Variants in FBLN7 observed in about 807,000 individuals in gnomAD.
FBLN7 encodes the protein fibulin 7.
In FBLN7, 31 loss-of-function variants were observed where a neutral mutation model predicts 44.0. The observed-to-expected ratio is 0.70, with a 90% CI of 0.53 to 0.95. FBLN7 has a LOEUF of 0.95. Among genes scored for constraint, FBLN7 ranks in the 40% least tolerant of loss-of-function variants. The pLI is 0.00. For synonymous variants in FBLN7, 262 were observed against 253.4 expected (o/e 1.03, Z -0.32); for missense variants, 573 against 618.5 (o/e 0.93, Z 0.78).
chr2:112,145,298 TTTTC>T lies in FBLN7; in HGVS notation c.75+6576_75+6579del, dbSNP rs147014116. ...TTTAAAAAATTGATTGTTTGTTTCT[TTTTC>T]TTTCTTTTTATTTTTTTGAGATGGG... On this transcript the variant is annotated intron_variant, in intron 1 of 7. Transcript: ENST00000331203. Among the ~76,000 whole-genome samples, 206 of 152,300 alleles carry T rather than the reference TTTTC, an allele frequency of 1.4e-3. 3 individuals are homozygous for T. The highest frequency in any genetic ancestry group is 4.7e-3 in the African/African-American group (194 of 41,550).
chr2:112,181,787 C>A lies in FBLN7; in HGVS notation c.581C>A (p.Pro194Gln). The A allele has an allele frequency of 1.4e-6, 2 of 1,454,506 alleles. No homozygotes were observed. Among genetic ancestry groups the A allele is most frequent in the South Asian group, 1.3e-5 (1 of 74,914 alleles). The allele number at this position is 1,454,506 out of a possible 1,614,324, so 90.1% of individuals were successfully genotyped here. A position where few individuals can be genotyped will look rare whatever the true frequency, so the allele number is the denominator to read the frequency against. ...VAGDSAFSRAPRCAQVERAQH... is the reference protein window; with the variant it reads ...VAGDSAFSRAQRCAQVERAQH... ...GGCGACTCCGCCTTCAGCCGCGCGC[C>A]GCGCTGTGCGCAGGTGGAGCGGGCT... Residue 194 changes from proline (P) to glutamine (Q), a missense_variant, in exon 5 of 8, where the codon CCG (proline) becomes CAG (glutamine). Transcript: ENST00000331203.
the FBLN7 span, among the ~76,000 whole-genome samples, chr2:112,199,341 G>A: frequency 6.6e-6 from 1 of 152,182 alleles, no homozygotes; most frequent in African/African-American, 2.4e-5. Flanking sequence ...GTGACGGAGT[G>A]AAAAATTGCT....
At chr2:112,212,779 A>G in the FBLN7 span, 1 of 152,216 alleles carries the variant, frequency 6.6e-6, no homozygotes, top group East Asian at 1.9e-4. Flanking sequence ...AAGATTAAAA[A>G]TAGATTTAAA....
In FBLN7 at chr2:112,138,732, TCAGTGTCCCTCCCGCCTCTCTCCAGGC is replaced by T. The variant is rs1407677031; in HGVS notation, c.75+60_75+86del. On this transcript the variant is annotated splice_donor_5th_base_variant and intron_variant, in intron 1 of 7. Transcript: ENST00000331203. Reference sequence around the variant, plus strand: ...TGCCCCGAGCCGCGGGCTTCCCAGGTCAGTGTCCCTCCCGCCTCTCTCCAGGCCAGTGTCCCTCCCGCCTCTCTCCAG... The same window carrying T: ...TGCCCCGAGCCGCGGGCTTCCCAGGTCAGTGTCCCTCCCGCCTCTCTCCAG... 2.9e-4 allele frequency: 466 copies of T among 1,598,522 alleles called. 13 individuals are homozygous for T. The highest frequency in any genetic ancestry group is 8.8e-4 in the African/African-American group (63 of 71,502).
chr2:112,200,594 G>A, the FBLN7 span, among the ~76,000 whole-genome samples: 5 of 152,092 alleles, frequency 3.3e-5, no homozygotes, highest in Non-Finnish European at 5.9e-5. Context: ...GAGTGCAGTC[G>A]CACAATCTCG....
intron 1 of FBLN7, among the ~76,000 whole-genome samples, chr2:112,153,476 G>A (rs1681265834): frequency 6.6e-6 from 1 of 152,164 alleles, no homozygotes; most frequent in African/African-American, 2.4e-5. Context: ...CTGTCACTGT[G>A]AGGAAGACCA....
chr2:112,200,088 A>G, the FBLN7 span, among the ~76,000 whole-genome samples: 1 of 152,200 alleles, frequency 6.6e-6, no homozygotes, highest in Non-Finnish European at 1.5e-5. Flanking sequence ...GCTGCAGCAA[A>G]TAGTAAACCT....
the FBLN7 span, among the ~76,000 whole-genome samples, chr2:112,197,274 C>CACACACACACACAGAGAG: frequency 4.1e-5 from 4 of 98,656 alleles, no homozygotes; most frequent in East Asian, 2.6e-4. Flanking sequence ...CACACACACA[C>CACACACACACACAGAGAG]AGAGAGAGAG....
rs149585023 is a variant in FBLN7 at position 112,159,390 on chromosome 2, A to C, written c.76-286A>C. Among the ~76,000 whole-genome samples the C allele has an allele frequency of 1.4e-4, 21 of 152,332 alleles. No homozygotes were observed. In the East Asian group the frequency reaches 4.1e-3, roughly 29 times the overall value. On this transcript the variant is annotated intron_variant, in intron 1 of 7. Transcript: ENST00000331203. ...TGAAGAATTAGAGAGAATCTCTCAGAGTGGCAGCGTGGTGATTATAAGGCT... is the reference window on the plus strand; with the variant it reads ...TGAAGAATTAGAGAGAATCTCTCAGCGTGGCAGCGTGGTGATTATAAGGCT...
At position 112,140,726 on chromosome 2, in the gene FBLN7, C is replaced by A. The variant is rs146013210; in HGVS notation, c.75+1996C>A. Among the ~76,000 whole-genome samples, 111 of 152,258 alleles carry A rather than the reference C, an allele frequency of 7.3e-4. 1 individual carries two copies. The highest frequency in any genetic ancestry group is 2.6e-3 in the African/African-American group (108 of 41,556). ...AAACTCCGACATTTAAATTTCCAAC[C>A]GAAGTATCAGAACACTCACGGGACT... On this transcript the variant is annotated intron_variant, in intron 1 of 7. Coordinates refer to ENST00000331203, the MANE Select transcript of FBLN7 (RefSeq NM_153214.3).
rs917484018 is a variant in FBLN7 at position 112,159,192 on chromosome 2, T to G, written c.76-484T>G. 4.0e-3 allele frequency among the ~76,000 whole-genome samples: 176 copies of G among 44,030 alleles called. 1 individual carries two copies. Among genetic ancestry groups the G allele is most frequent in the Non-Finnish European group, 7.8e-3 (139 of 17,790 alleles). The allele number at this position is 44,030 out of a possible 152,430, so 28.9% of individuals were successfully genotyped here. The stretch of plus-strand genomic sequence containing the variant: ...TGAATGCCTCTTTAACTCTAGTGAG[T>G]TTTTTTTTTTCTTATTTCCCATGTT... On this transcript the variant is annotated intron_variant, in intron 1 of 7. Coordinates refer to ENST00000331203, the MANE Select transcript of FBLN7 (RefSeq NM_153214.3).
At chr2:112,148,612 C>A (rs1403745360) in intron 1 of FBLN7, among the ~76,000 whole-genome samples, 1 of 152,236 alleles carries the variant, frequency 6.6e-6, no homozygotes, top group South Asian at 2.1e-4. Flanking sequence ...CCAGACTCAG[C>A]TCATCTGGAC....
chr2:112,187,672 A>G lies in FBLN7; in HGVS notation c.*166A>G. The G allele has an allele frequency of 1.2e-6, 1 of 864,100 alleles. No homozygotes were observed. Among genetic ancestry groups the G allele is most frequent in the Non-Finnish European group, 1.8e-6 (1 of 569,972 alleles). The allele number at this position is 864,100 out of a possible 1,614,324, so 53.5% of individuals were successfully genotyped here. A position where few individuals can be genotyped will look rare whatever the true frequency, so the allele number is the denominator to read the frequency against. ...CACGGCGCCCCATGGAATAGCACGGAAGAGCAGCCACAAAACTCAACTGCT... is the reference window on the plus strand; with the variant it reads ...CACGGCGCCCCATGGAATAGCACGGGAGAGCAGCCACAAAACTCAACTGCT... On this transcript the variant is annotated 3_prime_UTR_variant, in exon 8 of 8. Transcript: ENST00000331203. This position sits in a 1 kb window ranked among gnomAD's most constrained non-coding sequence, Gnocchi z 5.1.
the FBLN7 span, among the ~76,000 whole-genome samples, chr2:112,199,538 G>T: frequency 6.6e-6 from 1 of 152,140 alleles, no homozygotes; most frequent in African/African-American, 2.4e-5. Context: ...GACTCTTCCA[G>T]AAACTCTCTA....
chr2:112,244,587 C>A, the FBLN7 span, among the ~76,000 whole-genome samples: 1 of 152,176 alleles, frequency 6.6e-6, no homozygotes, highest in African/African-American at 2.4e-5. Flanking sequence ...GATTGAAGGT[C>A]TGTGGCAACC....
At position 112,138,624 on chromosome 2, in the gene FBLN7, C is replaced by T. The variant is rs201931347; in HGVS notation, c.-32C>T. ...TCGGCAGCGGAGGCAAAGTTATTTC[C>T]CCTCCCAGGCAGCGGGATTCCGACT... On this transcript the variant is annotated 5_prime_UTR_variant, in exon 1 of 8. Coordinates refer to ENST00000331203, the MANE Select transcript of FBLN7 (RefSeq NM_153214.3). 2 of 1,613,224 alleles carry T rather than the reference C, an allele frequency of 1.2e-6. No homozygotes were observed. Among genetic ancestry groups the T allele is most frequent in the East Asian group, 2.2e-5 (1 of 44,798 alleles).
chr2:112,182,986 C>T, intron 6 of FBLN7, 58 bp downstream of exon 6: 1 of 1,589,994 alleles, frequency 6.3e-7, no homozygotes, highest in Non-Finnish European at 8.5e-7. Context: ...TGCTGAACCC[C>T]CAGGACCTCA....
At chr2:112,182,725 C>T (rs1683064858) in intron 5 of FBLN7, 66 bp from the exon 6 acceptor site, 1 of 1,516,530 alleles carries the variant, frequency 6.6e-7, no homozygotes, top group South Asian at 1.3e-5. Context: ...CATGATTGTT[C>T]TGGGTCACAG....
At chr2:112,182,958 C>T in intron 6 of FBLN7, 30 bp downstream of exon 6, 1 of 1,607,214 alleles carries the variant, frequency 6.2e-7, no homozygotes, top group Non-Finnish European at 8.5e-7. Flanking sequence ...GTCGTCTGCA[C>T]CCAGCCACCT....
Sources: allele counts gnomAD v4.1 joint callset (sites outside exome capture counted in the v4.1 genomes callset), GRCh38; gene constraint gnomAD v4.1.1; non-coding constraint Gnocchi (gnomAD v3.1); transcripts MANE v1.5; gene names NCBI Gene and HGNC (gene_info 2026-07-23, HGNC 2026-07-21).